The following C1GALT1 variants were observed in gnomAD, a reference collection of about 807,000 sequenced individuals.
C1GALT1 encodes glycoprotein-N-acetylgalactosamine 3-beta-galactosyltransferase 1.
In C1GALT1, 11 loss-of-function variants were observed where a neutral mutation model predicts 31.0. The ratio of observed to expected loss-of-function variants is 0.36; its 90% CI spans 0.22 to 0.59. The LOEUF is 0.59. Ranked by LOEUF, C1GALT1 falls within the 20% of genes least tolerant of loss-of-function variation. The pLI, the probability that C1GALT1 is intolerant of heterozygous loss-of-function variation, is 0.79. For synonymous variants in C1GALT1, 175 were observed against 143.6 expected (o/e 1.22, Z -1.56); for missense variants, 424 against 425.2 (o/e 1.00, Z 0.03).
At chr7:7,180,094 C>A (rs1780553307), upstream of C1GALT1, among the ~76,000 whole-genome samples, 1 of 152,142 alleles carries the variant, frequency 6.6e-6, no homozygotes, top group African/African-American at 2.4e-5. Context: ...GTTTAGACAA[C>A]TAGTAATGTC....
intron 1 of C1GALT1, among the ~76,000 whole-genome samples, chr7:7,202,721 C>T (rs952711734): frequency 1.3e-5 from 2 of 152,080 alleles, no homozygotes; most frequent in African/African-American, 4.8e-5. Context: ...CTTAATATTC[C>T]ATATGAATTT....
At chr7:7,188,638 C>A (rs1424631721) in intron 1 of C1GALT1, among the ~76,000 whole-genome samples, 1 of 151,954 alleles carries the variant, frequency 6.6e-6, no homozygotes, top group Non-Finnish European at 1.5e-5. Context: ...GTGCTAGTTC[C>A]CAGAGATAGC....
chr7:7,248,425 G>A lies in C1GALT1; in HGVS notation c.*4698G>A, dbSNP rs781431564. The A allele has an allele frequency of 2.0e-5, 3 of 151,968 alleles. No homozygotes were observed. The highest frequency in any genetic ancestry group is 4.4e-5 in the Non-Finnish European group (3 of 67,872). The allele number at this position is 151,968 out of a possible 1,614,324, so 9.4% of individuals were successfully genotyped here. The stretch of plus-strand genomic sequence containing the variant: ...GTGTTGTACTACATAGTGAATGTTC[G>A]TGTTTTGGAATTTAAAAATTATTTA... On this transcript the variant is annotated 3_prime_UTR_variant, in exon 4 of 4. Coordinates refer to ENST00000436587, the MANE Select transcript of C1GALT1 (RefSeq NM_020156.5).
chr7:7,221,187 G>GT (rs1445114273), intron 1 of C1GALT1, among the ~76,000 whole-genome samples: 9 of 125,546 alleles, frequency 7.2e-5, no homozygotes, highest in Admixed American at 1.6e-4. Context: ...AGTTTTCACA[G>GT]TTTTTTTTCT....
At chr7:7,166,587 C>T (rs1780395403) in intron 2 of C1GALT1, among the ~76,000 whole-genome samples, 1 of 152,116 alleles carries the variant, frequency 6.6e-6, no homozygotes, top group Admixed American at 6.6e-5. Flanking sequence ...TGGGTGTATA[C>T]ATATGTCACA....
upstream of C1GALT1, among the ~76,000 whole-genome samples, chr7:7,180,790 T>A (rs961877940): frequency 6.6e-6 from 1 of 151,942 alleles, no homozygotes; most frequent in Admixed American, 6.6e-5. Flanking sequence ...CTGGGGAGGC[T>A]AAGGCGGGAA....
Position 7,213,890 on chromosome 7 carries a change from A to G in C1GALT1, c.-17-20413A>G, listed in dbSNP as rs923656516. On this transcript the variant is annotated intron_variant, in intron 1 of 3. Transcript: ENST00000436587. ...TTTATGAAAAGAACATATAAATATC[A>G]TGGGAGAAGACACTGTAGTTCTTCT... is the stretch of plus-strand genomic sequence containing the variant. Among the ~76,000 whole-genome samples, 3 of 152,234 alleles carry G rather than the reference A, an allele frequency of 2.0e-5. No homozygotes were observed. The East Asian group carries it at 5.8e-4, about 29-fold the overall frequency.
Position 7,246,140 on chromosome 7 carries a change from C to G in C1GALT1, c.*2413C>G, listed in dbSNP as rs1783833748. 1.3e-5 allele frequency: 2 copies of G among 152,092 alleles called. No homozygotes were observed. The highest frequency in any genetic ancestry group is 1.3e-4 in the Admixed American group (2 of 15,266). 9.4% of individuals were successfully genotyped at this position (152,092 alleles called of 1,614,324 possible). Reference sequence around the variant, plus strand: ...TGCCAACTGTATGCTAGGTACTGTGCTTAGATAATCTGTGTATAATAGTGT... The same window carrying G: ...TGCCAACTGTATGCTAGGTACTGTGGTTAGATAATCTGTGTATAATAGTGT... On this transcript the variant is annotated 3_prime_UTR_variant, in exon 4 of 4. Transcript: ENST00000436587.
chr7:7,230,486 C>T (rs986718851), intron 1 of C1GALT1, among the ~76,000 whole-genome samples: 2 of 151,804 alleles, frequency 1.3e-5, no homozygotes, highest in Non-Finnish European at 2.9e-5. Context: ...TTATTTTTCT[C>T]GAGTCTGGCT....
At chr7:7,192,103 T>C (rs1388962328) in intron 1 of C1GALT1, among the ~76,000 whole-genome samples, 1 of 152,090 alleles carries the variant, frequency 6.6e-6, no homozygotes, top group Non-Finnish European at 1.5e-5. Flanking sequence ...TTTTAGGTCT[T>C]ATATTTAGGT....
intron 2 of C1GALT1, among the ~76,000 whole-genome samples, chr7:7,158,067 C>G (rs1370300683): frequency 6.6e-6 from 1 of 152,188 alleles, no homozygotes; most frequent in Non-Finnish European, 1.5e-5. Flanking sequence ...TTGGTGTATT[C>G]AAGCCTGTTA....
intron 1 of C1GALT1, among the ~76,000 whole-genome samples, chr7:7,203,026 T>A (rs761242991): frequency 3.9e-5 from 6 of 151,956 alleles, no homozygotes; most frequent in Non-Finnish European, 8.8e-5. Flanking sequence ...TGCGTAAAAA[T>A]GTAACTCATT....
upstream of C1GALT1, among the ~76,000 whole-genome samples, chr7:7,182,372 A>G (rs1780620705): frequency 6.6e-6 from 1 of 152,190 alleles, no homozygotes; most frequent in African/African-American, 2.4e-5. Context: ...CAAGGGGGAT[A>G]CAACAAAATC....
intron 2 of C1GALT1, among the ~76,000 whole-genome samples, chr7:7,167,887 C>T (rs1296469200): frequency 1.3e-5 from 2 of 152,166 alleles, no homozygotes; most frequent in Non-Finnish European, 2.9e-5. Flanking sequence ...TCTCTGAAGG[C>T]TTGGTTAGCT....
At position 7,238,649 on chromosome 7, in the gene C1GALT1, C is replaced by G; in HGVS notation, c.615C>G (p.Gly205=). Residue 205 remains glycine, a synonymous_variant, in exon 3 of 4, where the codon GGC becomes GGG. Transcript: ENST00000436587. The surrounding 1 kb of genome is among the most constrained non-coding windows in gnomAD (Gnocchi z 5.2). The part of the protein sequence containing the change: ...GRRFKPYVKQ[G]YMSGGAGYVL... ...GATTTAAGCCTTATGTAAAGCAGGG[C>G]TACATGAGTGGAGGAGCAGGATATG... 6.2e-7 allele frequency: 1 copy of G among 1,614,020 alleles called. No homozygotes were observed. Among genetic ancestry groups the G allele is most frequent in the East Asian group, 2.2e-5 (1 of 44,868 alleles).
intron 2 of C1GALT1, among the ~76,000 whole-genome samples, chr7:7,235,602 G>C (rs1783299872): frequency 6.6e-6 from 1 of 152,118 alleles, no homozygotes; most frequent in Non-Finnish European, 1.5e-5. Flanking sequence ...GCCGTACGAG[G>C]CCTCACTGCA....
intron 1 of C1GALT1, among the ~76,000 whole-genome samples, chr7:7,204,104 T>G (rs1256349554): frequency 1.4e-5 from 2 of 146,962 alleles, no homozygotes; most frequent in Non-Finnish European, 3.0e-5. Context: ...TCTGTTTTTT[T>G]TTTTTTGTTT....
chr7:7,217,837 A>G (rs1782316254), intron 1 of C1GALT1, among the ~76,000 whole-genome samples: 1 of 152,136 alleles, frequency 6.6e-6, no homozygotes, highest in Admixed American at 6.5e-5. Flanking sequence ...TGCCTGGCCC[A>G]GAAACAGTTT....
At chr7:7,187,552 A>G (rs910044947) in intron 1 of C1GALT1, among the ~76,000 whole-genome samples, 5 of 152,160 alleles carry the variant, frequency 3.3e-5, no homozygotes, top group African/African-American at 1.2e-4. Context: ...TTTGTTTGTC[A>G]CAACTAGGGG....
Sources: allele counts gnomAD v4.1 joint callset (sites outside exome capture counted in the v4.1 genomes callset), GRCh38; gene constraint gnomAD v4.1.1; non-coding constraint Gnocchi (gnomAD v3.1); transcripts MANE v1.5; gene names NCBI Gene and HGNC (gene_info 2026-07-23, HGNC 2026-07-21).